Variants in KCNIP4 observed in about 807,000 individuals in gnomAD.
The protein encoded by KCNIP4 is potassium voltage-gated channel interacting protein 4, also known as Kv channel-interacting protein 4.
In KCNIP4, 12 loss-of-function variants were observed where a neutral mutation model predicts 34.0. The observed-to-expected ratio is 0.35, with a 90% CI of 0.23 to 0.57. The LOEUF (loss-of-function observed/expected upper bound fraction) is 0.57. KCNIP4 is among the 20% of genes least tolerant of loss of function. The pLI, the probability that KCNIP4 is intolerant of heterozygous loss-of-function variation, is 0.83. For missense variants in KCNIP4, 238 were observed against 311.7 expected (o/e 0.76, Z 1.78); for synonymous variants, 124 against 102.2 (o/e 1.21, Z -1.29).
intron 1 of KCNIP4, among the ~76,000 whole-genome samples, chr4:21,034,080 A>G (rs1232962818): frequency 2.0e-5 from 3 of 152,236 alleles, no homozygotes; most frequent in Non-Finnish European, 2.9e-5. Context: ...GCTATAGCAC[A>G]CACAAAAAAG....
At chr4:21,797,851 T>A (rs1720721762) in intron 1 of KCNIP4, among the ~76,000 whole-genome samples, 1 of 152,150 alleles carries the variant, frequency 6.6e-6, no homozygotes, top group African/African-American at 2.4e-5. Context: ...CAAATTTACA[T>A]GATAAACACT....
chr4:21,556,930 A>AAAAAAAAACAAAAAAAAAC (rs71191520), intron 1 of KCNIP4, among the ~76,000 whole-genome samples: 6,319 of 107,160 alleles, frequency 0.059, 385 homozygotes, highest in Middle Eastern at 0.096. Context: ...CAGAAAAAAA[A>AAAAAAAAACAAAAAAAAAC]AAAAAAAAAA....
At chr4:21,348,340 C>A (rs191724059) in intron 1 of KCNIP4, among the ~76,000 whole-genome samples, 1 of 152,192 alleles carries the variant, frequency 6.6e-6, no homozygotes, top group Non-Finnish European at 1.5e-5. Flanking sequence ...AAAATAGACA[C>A]AGTTGTCTCT....
intron 3 of KCNIP4, among the ~76,000 whole-genome samples, chr4:20,784,507 C>T (rs901044604): frequency 6.6e-6 from 1 of 152,128 alleles, no homozygotes; most frequent in South Asian, 2.1e-4. Flanking sequence ...TTTAGGATGA[C>T]TTATTTATTC....
intron 1 of KCNIP4, among the ~76,000 whole-genome samples, chr4:21,370,331 T>C (rs1720215735): frequency 6.8e-6 from 1 of 146,852 alleles, no homozygotes; most frequent in Non-Finnish European, 1.5e-5. Context: ...AAATTGTTTA[T>C]TGAGGGTCCA....
intron 1 of KCNIP4, among the ~76,000 whole-genome samples, chr4:21,028,253 G>T (rs111258552): frequency 0.025 from 3,751 of 152,054 alleles, 149 homozygotes; most frequent in African/African-American, 0.079. Flanking sequence ...ACGTCTACTT[G>T]CTTCTATCCT....
At chr4:21,074,848 T>C (rs897388117) in intron 1 of KCNIP4, among the ~76,000 whole-genome samples, 15 of 152,236 alleles carry the variant, frequency 9.9e-5, no homozygotes, top group Non-Finnish European at 2.2e-4. Context: ...TCTTTGTTCT[T>C]GTTGGTTTCA....
intron 1 of KCNIP4, among the ~76,000 whole-genome samples, chr4:21,209,421 C>A (rs923556363): frequency 3.3e-5 from 5 of 152,114 alleles, no homozygotes; most frequent in East Asian, 1.9e-4. Flanking sequence ...ACACTCTTCC[C>A]AGTCTTTACA....
chr4:21,075,156 G>A (rs1426680996), intron 1 of KCNIP4, among the ~76,000 whole-genome samples: 44 of 152,094 alleles, frequency 2.9e-4, no homozygotes, highest in Non-Finnish European at 5.3e-4. Flanking sequence ...TATTAGGTCC[G>A]CTTGGTGCAG....
intron 1 of KCNIP4, among the ~76,000 whole-genome samples, chr4:21,750,200 A>G (rs534186468): frequency 1.3e-5 from 2 of 152,266 alleles, no homozygotes; most frequent in African/African-American, 4.8e-5. Flanking sequence ...CTACTGTCTC[A>G]GTATTACAGG....
At chr4:21,132,321 C>G (rs1272508735) in intron 1 of KCNIP4, among the ~76,000 whole-genome samples, 1 of 152,146 alleles carries the variant, frequency 6.6e-6, no homozygotes, top group African/African-American at 2.4e-5. Context: ...AATACACCAC[C>G]CTATAAATCA....
intron 3 of KCNIP4, among the ~76,000 whole-genome samples, chr4:20,844,694 C>T (rs1049895373): frequency 1.3e-5 from 2 of 152,126 alleles, no homozygotes; most frequent in Admixed American, 6.6e-5. Context: ...CACCATAAAT[C>T]GGACGTAGTG....
intron 1 of KCNIP4, among the ~76,000 whole-genome samples, chr4:21,087,104 C>T (rs1298181110): frequency 2.1e-4 from 31 of 150,002 alleles, no homozygotes; most frequent in Admixed American, 7.3e-4. Flanking sequence ...TTTGGCCTCC[C>T]GAGTAGCTGG....
At chr4:20,800,764 G>A (rs1714125935) in intron 3 of KCNIP4, among the ~76,000 whole-genome samples, 1 of 152,164 alleles carries the variant, frequency 6.6e-6, no homozygotes, top group African/African-American at 2.4e-5. Context: ...ATGAAAAAGA[G>A]TGAAGATATT....
chr4:20,870,125 G>C (rs1040227550), intron 2 of KCNIP4, among the ~76,000 whole-genome samples: 1 of 152,078 alleles, frequency 6.6e-6, no homozygotes, highest in South Asian at 2.1e-4. Flanking sequence ...ACTGTCCAAA[G>C]ACACAGAGTG....
chr4:21,535,345 T>C (rs1673437412), intron 1 of KCNIP4, among the ~76,000 whole-genome samples: 1 of 152,178 alleles, frequency 6.6e-6, no homozygotes, highest in Non-Finnish European at 1.5e-5. Context: ...AATAAGGTAT[T>C]TTCGACATAT....
chr4:21,879,957 T>C (rs1005496181), intron 1 of KCNIP4, among the ~76,000 whole-genome samples: 7 of 152,122 alleles, frequency 4.6e-5, no homozygotes, highest in African/African-American at 9.7e-5. Flanking sequence ...CTTGCCGTCA[T>C]GCAAAGAAGG....
intron 2 of KCNIP4, among the ~76,000 whole-genome samples, chr4:20,852,797 T>C (rs1290301205): frequency 2.6e-5 from 4 of 152,188 alleles, no homozygotes; most frequent in Admixed American, 2.0e-4. Context: ...AGAAAATTAA[T>C]GTACAAAAAT....
chr4:20,778,694 A>G (rs1756590145), intron 3 of KCNIP4, among the ~76,000 whole-genome samples: 1 of 152,206 alleles, frequency 6.6e-6, no homozygotes, highest in East Asian at 1.9e-4. Context: ...TGGAAAATAA[A>G]GGTGGTCTTG....
Sources: gnomAD v4.1 joint callset for allele counts (sites outside exome capture counted in the v4.1 genomes callset) on GRCh38, gnomAD v4.1.1 for gene constraint, MANE v1.5 for transcripts, NCBI Gene and HGNC (gene_info 2026-07-23, HGNC 2026-07-21) for gene names.